Variants in SBF2 observed in about 807,000 individuals in gnomAD.
SBF2 encodes the protein SET binding factor 2, also known as myotubularin-related protein 13.
A neutral mutation model predicts 225.2 loss-of-function variants in SBF2; 112 were observed. That is an observed-to-expected ratio of 0.50 (90% CI 0.43 to 0.58). The LOEUF is 0.58. Ranked by LOEUF, SBF2 falls within the 20% of genes least tolerant of loss-of-function variation. The pLI, the probability that SBF2 is intolerant of heterozygous loss-of-function variation, is 0.00. For missense variants in SBF2, 1,996 were observed against 2,206.2 expected, an observed-to-expected ratio of 0.90 and a Z score of 1.91; for synonymous variants, 763 against 773.3, an observed-to-expected ratio of 0.99 and a Z score of 0.22.
At chr11:9,950,788 T>C (rs1260253391) in intron 16 of SBF2, among the ~76,000 whole-genome samples, 1 of 152,192 alleles carries the variant, frequency 6.6e-6, no homozygotes, top group Non-Finnish European at 1.5e-5. Flanking sequence ...GCTACTGGCC[T>C]GTGAAGGGAC....
rs181973812 is a variant in SBF2 at position 10,077,862 on chromosome 11, A to G, written c.142-34881T>C. Among the ~76,000 whole-genome samples the G allele has an allele frequency of 3.4e-4, 52 of 152,314 alleles. No homozygotes were observed. The East Asian group carries it at 9.1e-3, about 27-fold the overall frequency. The stretch of plus-strand genomic sequence containing the variant: ...AGAGTGAACAGGCAACCTACAGGAT[A>G]GGAGAAAATTTCTGCAAACTATCCA... On this transcript the variant is annotated intron_variant, in intron 2 of 39. Coordinates refer to ENST00000256190, the MANE Select transcript of SBF2 (RefSeq NM_030962.4).
chr11:10,023,867 CTTTTT>C (rs1340522627), intron 6 of SBF2, among the ~76,000 whole-genome samples: 1 of 151,100 alleles, frequency 6.6e-6, no homozygotes, highest in Non-Finnish European at 1.5e-5. Flanking sequence ...ATATGTTTTT[CTTTTT>C]TTTTAAGAAT....
intron 2 of SBF2, among the ~76,000 whole-genome samples, chr11:10,095,510 C>T (rs567791192): frequency 6.6e-6 from 1 of 151,070 alleles, no homozygotes; most frequent in Non-Finnish European, 1.5e-5. Flanking sequence ...ACATTTCTTC[C>T]CCAAATAAAA....
chr11:10,099,539 A>G (rs184814403), intron 2 of SBF2, among the ~76,000 whole-genome samples: 149 of 152,296 alleles, frequency 9.8e-4, no homozygotes, highest in Admixed American at 2.9e-3. Context: ...GGTAAAGGTA[A>G]GTAGATAGTC....
At chr11:9,825,399 A>C (rs1387900560) in intron 28 of SBF2, among the ~76,000 whole-genome samples, 1 of 152,206 alleles carries the variant, frequency 6.6e-6, no homozygotes, top group Non-Finnish European at 1.5e-5. Flanking sequence ...TTGGACTTCC[A>C]GCTTCCAGAA....
intron 17 of SBF2, among the ~76,000 whole-genome samples, chr11:9,882,630 A>T (rs1166874282): frequency 6.6e-6 from 1 of 151,948 alleles, no homozygotes; most frequent in African/African-American, 2.4e-5. Flanking sequence ...AACACGGTGA[A>T]ACCCCGTCTC....
At chr11:10,129,199 G>A (rs928252604) in intron 2 of SBF2, among the ~76,000 whole-genome samples, 2 of 142,770 alleles carry the variant, frequency 1.4e-5, no homozygotes, top group Non-Finnish European at 3.0e-5. Flanking sequence ...GACCTCCCCA[G>A]TTCAAGCGAT....
At chr11:10,094,419 A>G (rs1394617356) in intron 2 of SBF2, among the ~76,000 whole-genome samples, 1 of 151,692 alleles carries the variant, frequency 6.6e-6, no homozygotes, top group African/African-American at 2.4e-5. Flanking sequence ...ATAGACATTT[A>G]TTTTTAACAA....
intron 5 of SBF2, 31 bp from the exon 6 acceptor site, chr11:10,028,588 A>C: frequency 1.5e-6 from 2 of 1,343,494 alleles, no homozygotes; most frequent in Non-Finnish European, 2.1e-6. Context: ...AAACACACAC[A>C]CACACGATTT....
intron 17 of SBF2, among the ~76,000 whole-genome samples, chr11:9,881,369 C>G (rs1241123184): frequency 6.6e-6 from 1 of 152,104 alleles, no homozygotes; most frequent in Non-Finnish European, 1.5e-5. Flanking sequence ...ATATGAGGCT[C>G]AAAACGCTGG....
intron 16 of SBF2, among the ~76,000 whole-genome samples, chr11:9,954,638 T>C (rs1169667456): frequency 6.6e-6 from 1 of 152,114 alleles, no homozygotes; most frequent in Non-Finnish European, 1.5e-5. Context: ...TATTTGGTTT[T>C]TTTCAAACAA....
At chr11:9,912,489 G>A (rs965196004) in intron 16 of SBF2, among the ~76,000 whole-genome samples, 2 of 152,006 alleles carry the variant, frequency 1.3e-5, no homozygotes, top group Non-Finnish European at 2.9e-5. Context: ...GGAGGCTGAG[G>A]CAGAATAGCT....
At chr11:9,932,460 G>T (rs1864565553) in intron 16 of SBF2, among the ~76,000 whole-genome samples, 1 of 152,198 alleles carries the variant, frequency 6.6e-6, no homozygotes, top group South Asian at 2.1e-4. Flanking sequence ...AGCCGGAAGA[G>T]AGAGGGGGCC....
chr11:10,027,974 A>T (rs1466986326), intron 6 of SBF2, among the ~76,000 whole-genome samples: 1 of 152,208 alleles, frequency 6.6e-6, no homozygotes, highest in African/African-American at 2.4e-5. Context: ...CAGTGGCACC[A>T]TCATAGCTCA....
At chr11:10,288,980 A>G in intron 1 of SBF2, among the ~76,000 whole-genome samples, 1 of 152,204 alleles carries the variant, frequency 6.6e-6, no homozygotes, top group South Asian at 2.1e-4. Flanking sequence ...TCCGCCATCC[A>G]CGACGCCCAG....
At chr11:10,260,584 C>T (rs1474683914) in intron 1 of SBF2, among the ~76,000 whole-genome samples, 2 of 151,126 alleles carry the variant, frequency 1.3e-5, no homozygotes, top group Non-Finnish European at 2.9e-5. Flanking sequence ...GGCGTGGTGG[C>T]GGGCACCTGT....
intron 16 of SBF2, among the ~76,000 whole-genome samples, chr11:9,916,184 CTA>C: frequency 6.6e-6 from 1 of 152,264 alleles, no homozygotes; most frequent in South Asian, 2.1e-4. Flanking sequence ...ATATAATCAA[CTA>C]TCACAAATAA....
At chr11:10,040,533 T>C (rs1207417604) in intron 3 of SBF2, among the ~76,000 whole-genome samples, 2 of 151,784 alleles carry the variant, frequency 1.3e-5, no homozygotes, top group South Asian at 2.1e-4. Flanking sequence ...ATGCAATATA[T>C]GTAGTATGTA....
rs76705747 is a variant in SBF2, at chr11:9,997,879, G to C, written c.975+387C>G. Among the ~76,000 whole-genome samples, 383 of 152,308 alleles carry C rather than the reference G, an allele frequency of 2.5e-3. 8 individuals carry two copies. In the South Asian group the frequency reaches 0.025, roughly 10 times the overall value. On this transcript the variant is annotated intron_variant, in intron 9 of 39. Transcript: ENST00000256190. The stretch of plus-strand genomic sequence containing the variant: ...AAGACAATATTACAGTGTTTTGTAG[G>C]TACCAAAGAGGAATGAGATGCCAAT...
Sources: allele counts gnomAD v4.1 joint callset (sites outside exome capture counted in the v4.1 genomes callset), GRCh38; gene constraint gnomAD v4.1.1; transcripts MANE v1.5; gene names NCBI Gene and HGNC (gene_info 2026-07-23, HGNC 2026-07-21).